Variants in CADM2 observed in about 807,000 individuals in gnomAD.
The protein encoded by CADM2 is cell adhesion molecule 2.
A neutral mutation model predicts 49.8 loss-of-function variants in CADM2; 12 were observed. The ratio of observed to expected loss-of-function variants is 0.24; its 90% CI spans 0.15 to 0.39. The LOEUF is 0.39. CADM2 is among the 10% of genes least tolerant of loss of function. The pLI, the probability that CADM2 is intolerant of heterozygous loss-of-function variation, is 1.00. For missense variants in CADM2, 378 were observed against 492.3 expected, an observed-to-expected ratio of 0.77 and a Z score of 2.20; for synonymous variants, 214 against 175.4, an observed-to-expected ratio of 1.22 and a Z score of -1.74.
intron 8 of CADM2, among the ~76,000 whole-genome samples, chr3:86,042,286 A>G (rs1383494816): frequency 1.3e-5 from 2 of 152,206 alleles, no homozygotes; most frequent in Non-Finnish European, 2.9e-5. Context: ...CAATGAATCC[A>G]GGAGCTGGTT....
At chr3:85,330,823 G>A (rs2044899129) in intron 1 of CADM2, among the ~76,000 whole-genome samples, 1 of 150,762 alleles carries the variant, frequency 6.6e-6, no homozygotes, top group South Asian at 2.1e-4. Flanking sequence ...AGCTCGGCAC[G>A]GTGGTGTGTG....
At chr3:85,411,262 G>A (rs1426983673) in intron 1 of CADM2, among the ~76,000 whole-genome samples, 15 of 152,132 alleles carry the variant, frequency 9.9e-5, no homozygotes, top group Non-Finnish European at 4.4e-5. Context: ...AGCTAACACA[G>A]GACTAGAGAA....
chr3:85,541,367 A>G (rs2061534928), intron 1 of CADM2, among the ~76,000 whole-genome samples: 1 of 151,716 alleles, frequency 6.6e-6, no homozygotes, highest in Non-Finnish European at 1.5e-5. Context: ...TGTAAATTGA[A>G]TTCAAAATTG....
At chr3:85,015,118 T>C (rs1411956164) in intron 1 of CADM2, among the ~76,000 whole-genome samples, 1 of 152,130 alleles carries the variant, frequency 6.6e-6, no homozygotes, top group Non-Finnish European at 1.5e-5. Context: ...TATAAGTATA[T>C]GTGTGTATAT....
chr3:85,801,929 C>G, intron 2 of CADM2, 118 bp from the exon 3 acceptor site: 1 of 773,992 alleles, frequency 1.3e-6, no homozygotes, highest in Admixed American at 3.2e-5. Flanking sequence ...ACAGTTTTGT[C>G]GTTGTTTGGT....
rs989203512 is a variant in CADM2 at position 85,818,127 on chromosome 3, G to A, written c.238+15931G>A. Among the ~76,000 whole-genome samples the A allele has an allele frequency of 3.7e-4, 56 of 152,072 alleles. 1 individual carries two copies. The highest frequency in any genetic ancestry group is 1.5e-5 in the Non-Finnish European group (1 of 68,002). Reference sequence around the variant, plus strand: ...CAATCAGACATAAAGCAAAGACCCTGTGTTCTTAGTGCTGTAACTACATTG... The same window carrying A: ...CAATCAGACATAAAGCAAAGACCCTATGTTCTTAGTGCTGTAACTACATTG... On this transcript the variant is annotated intron_variant, in intron 3 of 9. Transcript: ENST00000383699.
chr3:85,971,050 T>C (rs1726062262), intron 8 of CADM2, among the ~76,000 whole-genome samples: 2 of 151,696 alleles, frequency 1.3e-5, no homozygotes, highest in Non-Finnish European at 3.0e-5. Context: ...CAAAAAGTGA[T>C]TTTTGTATTC....
At chr3:85,483,605 T>C (rs1266293879) in intron 1 of CADM2, among the ~76,000 whole-genome samples, 1 of 150,504 alleles carries the variant, frequency 6.6e-6, no homozygotes, top group Non-Finnish European at 1.5e-5. Context: ...CACTGGCAAA[T>C]ACTATATAAT....
intron 2 of CADM2, among the ~76,000 whole-genome samples, chr3:85,746,768 C>G (rs2068639352): frequency 1.3e-5 from 2 of 152,102 alleles, no homozygotes; most frequent in African/African-American, 4.8e-5. Context: ...GGGTAACTCT[C>G]CCCAAGCTGC....
At chr3:85,503,932 T>G (rs900470429) in intron 1 of CADM2, among the ~76,000 whole-genome samples, 3 of 152,228 alleles carry the variant, frequency 2.0e-5, no homozygotes, top group African/African-American at 7.2e-5. Flanking sequence ...AAGTGTCCAG[T>G]AATTTTCGAA....
chr3:84,998,608 A>G (rs1483712230), intron 1 of CADM2, among the ~76,000 whole-genome samples: 5 of 152,152 alleles, frequency 3.3e-5, no homozygotes, highest in Non-Finnish European at 7.4e-5. Context: ...CAGCTCTGTA[A>G]ACATTTTGGT....
intron 1 of CADM2, among the ~76,000 whole-genome samples, chr3:85,617,911 A>G (rs1272778724): frequency 2.6e-5 from 4 of 152,232 alleles, no homozygotes; most frequent in East Asian, 1.9e-4. Flanking sequence ...ACATATTATA[A>G]TGAAAGCAAA....
At chr3:85,266,055 T>C (rs1481925557) in intron 1 of CADM2, among the ~76,000 whole-genome samples, 1 of 151,896 alleles carries the variant, frequency 6.6e-6, no homozygotes, top group African/African-American at 2.4e-5. Flanking sequence ...AGTCTCATAA[T>C]GGAAAAATAG....
intron 1 of CADM2, among the ~76,000 whole-genome samples, chr3:85,553,848 T>C (rs1220858314): frequency 6.6e-6 from 1 of 152,208 alleles, no homozygotes; most frequent in Non-Finnish European, 1.5e-5. Context: ...TCCCAATCCC[T>C]AAACCTTGTC....
At chr3:85,658,512 A>G (rs1351896098) in intron 1 of CADM2, among the ~76,000 whole-genome samples, 3 of 146,360 alleles carry the variant, frequency 2.0e-5, no homozygotes, top group Non-Finnish European at 3.0e-5. Context: ...CTATCTGTCT[A>G]TCTATCTACC....
chr3:86,024,922 G>T (rs550075477), intron 8 of CADM2, among the ~76,000 whole-genome samples: 1 of 151,364 alleles, frequency 6.6e-6, no homozygotes, highest in African/African-American at 2.4e-5. Context: ...TCACTCTGTC[G>T]CCCTGGAGTG....
chr3:85,507,422 C>T (rs1395076470), intron 1 of CADM2, among the ~76,000 whole-genome samples: 1 of 152,072 alleles, frequency 6.6e-6, no homozygotes, highest in Non-Finnish European at 1.5e-5. Context: ...CTCCTGATCC[C>T]AAGTGATCCG....
chr3:84,987,753 C>T (rs765937932), intron 1 of CADM2, among the ~76,000 whole-genome samples: 5 of 152,166 alleles, frequency 3.3e-5, no homozygotes, highest in Admixed American at 1.3e-4. Context: ...ACTTCCAAAG[C>T]AGTCAGCAAC....
At chr3:85,967,672 G>T (rs2108632118) in intron 8 of CADM2, among the ~76,000 whole-genome samples, 1 of 151,600 alleles carries the variant, frequency 6.6e-6, no homozygotes, top group East Asian at 2.0e-4. Context: ...TAAATGTGTA[G>T]CTAGGCCGGA....
Sources: gnomAD v4.1 joint callset for allele counts (sites outside exome capture counted in the v4.1 genomes callset) on GRCh38, gnomAD v4.1.1 for gene constraint, MANE v1.5 for transcripts, NCBI Gene and HGNC (gene_info 2026-07-23, HGNC 2026-07-21) for gene names.